Variants in DAPK1 observed in about 807,000 individuals in gnomAD.
DAPK1 encodes the protein death-associated protein kinase 1.
In DAPK1, 56 loss-of-function variants were observed where a neutral mutation model predicts 144.9. That is an observed-to-expected ratio of 0.39 (90% confidence interval 0.31 to 0.48). The LOEUF (loss-of-function observed/expected upper bound fraction) is 0.48, where lower values mean the gene tolerates loss of function less well. DAPK1 is among the 20% of genes least tolerant of loss of function. The probability of loss-of-function intolerance (pLI) is 0.95; values close to 1 mark genes in which losing one functional copy is unlikely to be tolerated. For missense variants in DAPK1, 1,454 were observed against 1,875.4 expected (o/e 0.78, Z 4.15); for synonymous variants, 690 against 749.0 (o/e 0.92, Z 1.29).
At chr9:87,645,607 G>C (rs927687813) in intron 11 of DAPK1, among the ~76,000 whole-genome samples, 2 of 152,110 alleles carry the variant, frequency 1.3e-5, no homozygotes, top group Non-Finnish European at 2.9e-5. Context: ...AAACACAAAG[G>C]GTTACTTATC....
At chr9:87,657,314 C>G (rs910729520) in intron 17 of DAPK1, 1 of 152,638 alleles carries the variant, frequency 6.6e-6, no homozygotes, top group Non-Finnish European at 1.5e-5. Flanking sequence ...TCCCGTTGGG[C>G]ACTGCACTTC....
chr9:87,569,232 G>A lies in DAPK1; in HGVS notation c.63-35722G>A, dbSNP rs1401569257. Among the ~76,000 whole-genome samples, 6 of 152,240 alleles carry A rather than the reference G, an allele frequency of 3.9e-5. No homozygotes were observed. The South Asian group carries it at 6.2e-4, about 16-fold the overall frequency. ...TCAACAGCTCCCCTCCCCCACTGAC[G>A]ATGGTTGAGAATTACTACTCCAGTC... On this transcript the variant is annotated intron_variant, in intron 2 of 25. Transcript: ENST00000408954.
intron 2 of DAPK1, among the ~76,000 whole-genome samples, chr9:87,558,651 G>C (rs1826801413): frequency 6.6e-6 from 1 of 152,212 alleles, no homozygotes; most frequent in African/African-American, 2.4e-5. Context: ...TGTCATTGCA[G>C]GGAAGGGCTG....
intron 22 of DAPK1, among the ~76,000 whole-genome samples, chr9:87,697,835 T>C (rs1367467911): frequency 2.0e-5 from 3 of 152,132 alleles, no homozygotes; most frequent in Non-Finnish European, 4.4e-5. Flanking sequence ...GTGCCTGTAG[T>C]CCCAGCTACT....
At chr9:87,629,926 C>T (rs1265819726) in intron 3 of DAPK1, among the ~76,000 whole-genome samples, 1 of 152,104 alleles carries the variant, frequency 6.6e-6, no homozygotes, top group East Asian at 1.9e-4. Flanking sequence ...TGCTCTGGAG[C>T]CCTGACGTGC....
chr9:87,646,716 A>G (rs1206694021), intron 13 of DAPK1, among the ~76,000 whole-genome samples, 157 bp downstream of exon 13: 1 of 152,224 alleles, frequency 6.6e-6, no homozygotes, highest in African/African-American at 2.4e-5. Context: ...GTACAGCCTG[A>G]CACATGGGTT....
At chr9:87,599,300 G>T (rs773906497) in intron 2 of DAPK1, among the ~76,000 whole-genome samples, 25 of 152,204 alleles carry the variant, frequency 1.6e-4, no homozygotes, top group African/African-American at 6.0e-4. Flanking sequence ...ATGACGATGT[G>T]TATCTCATGG....
intron 23 of DAPK1, 131 bp from the exon 24 acceptor site, chr9:87,699,986 G>T: frequency 2.9e-6 from 2 of 698,910 alleles, no homozygotes; most frequent in Non-Finnish European, 5.0e-6. Context: ...GGATGGGGAG[G>T]GGCCTTTGCA....
At chr9:87,541,489 C>T (rs960489952) in intron 2 of DAPK1, among the ~76,000 whole-genome samples, 25 of 147,856 alleles carry the variant, frequency 1.7e-4, no homozygotes, top group Admixed American at 1.7e-3. Flanking sequence ...GCAAAGATTG[C>T]GGTGAGTGGA....
At chr9:87,549,397 A>T (rs1414867267) in intron 2 of DAPK1, among the ~76,000 whole-genome samples, 1 of 152,136 alleles carries the variant, frequency 6.6e-6, no homozygotes, top group Admixed American at 6.5e-5. Flanking sequence ...GCTGCAGTGA[A>T]CATACCCATA....
chr9:87,608,641 G>T (rs1470679172), intron 3 of DAPK1, among the ~76,000 whole-genome samples: 1 of 152,218 alleles, frequency 6.6e-6, no homozygotes, highest in Non-Finnish European at 1.5e-5. Context: ...GCTCTGTACT[G>T]TTTTTCAATT....
At chr9:87,560,934 G>A (rs1826893266) in intron 2 of DAPK1, among the ~76,000 whole-genome samples, 1 of 152,010 alleles carries the variant, frequency 6.6e-6, no homozygotes, top group Non-Finnish European at 1.5e-5. Flanking sequence ...ACAAAGTGTT[G>A]GGATTACCAG....
At chr9:87,672,998 T>A (rs1159295479) in intron 19 of DAPK1, among the ~76,000 whole-genome samples, 1 of 152,092 alleles carries the variant, frequency 6.6e-6, no homozygotes, top group African/African-American at 2.4e-5. Flanking sequence ...CTGCAGAGCA[T>A]CTTAGGACCA....
chr9:87,497,857 C>T, upstream of DAPK1: 1 of 392,274 alleles, frequency 2.5e-6, no homozygotes, highest in South Asian at 1.4e-4. Flanking sequence ...CGGCAAGGAG[C>T]CGAGAGGCTG....
At position 87,707,617 on chromosome 9, in the gene DAPK1, T is replaced by G; in HGVS notation, c.*253T>G. ...ACTTTGGCCGCTTGAAAAGCTAGTG[T>G]ACCTCCTCTCAGTGTTTTGGACTCC... On this transcript the variant is annotated 3_prime_UTR_variant, in exon 26 of 26. Coordinates refer to ENST00000408954, the MANE Select transcript of DAPK1 (RefSeq NM_004938.4). This position sits in a 1 kb window ranked among gnomAD's most constrained non-coding sequence, Gnocchi z 4.0. The G allele has an allele frequency of 1.9e-6, 1 of 537,152 alleles. No homozygotes were observed. 33.3% of individuals were successfully genotyped at this position (537,152 alleles called of 1,614,324 possible). A position where few individuals can be genotyped will look rare whatever the true frequency, so the allele number is the denominator to read the frequency against.
intron 3 of DAPK1, among the ~76,000 whole-genome samples, chr9:87,608,620 C>T (rs1156739842): frequency 3.9e-5 from 6 of 152,214 alleles, no homozygotes; most frequent in African/African-American, 1.4e-4. Context: ...TCCGATTGCT[C>T]CACCAGTGGG....
At chr9:87,505,807 G>A (rs1378341304) in intron 2 of DAPK1, among the ~76,000 whole-genome samples, 3 of 152,268 alleles carry the variant, frequency 2.0e-5, no homozygotes, top group African/African-American at 7.2e-5. Context: ...CTCTGTCTCA[G>A]CCTCCAAATA....
chr9:87,679,355 G>T (rs929873392), intron 19 of DAPK1, among the ~76,000 whole-genome samples: 3 of 152,094 alleles, frequency 2.0e-5, no homozygotes, highest in Non-Finnish European at 4.4e-5. Context: ...AGCAGAGGGG[G>T]TCCTCCTGGG....
At chr9:87,525,213 G>A in intron 2 of DAPK1, 1 of 919,538 alleles carries the variant, frequency 1.1e-6, no homozygotes, top group East Asian at 2.5e-5. Flanking sequence ...TTCTGCGTCT[G>A]TTTTTCACCC....
Sources: gnomAD v4.1 joint callset for allele counts (sites outside exome capture counted in the v4.1 genomes callset) on GRCh38, gnomAD v4.1.1 for gene constraint, Gnocchi (gnomAD v3.1) non-coding constraint, MANE v1.5 for transcripts, NCBI Gene and HGNC (gene_info 2026-07-23, HGNC 2026-07-21) for gene names.